FYB2: variants seen among roughly 807,000 people sequenced by gnomAD.
The protein encoded by FYB2 is FYN binding protein 2, also known as FYN-binding protein 2.
FYB2 carries 103 observed loss-of-function variants against 94.1 expected under a neutral mutation model. The ratio of observed to expected loss-of-function variants is 1.09; its 90% CI spans 0.93 to 1.29. The LOEUF (loss-of-function observed/expected upper bound fraction) is 1.29. FYB2 is among the 50% of genes most tolerant of loss of function. The pLI, the probability that FYB2 is intolerant of heterozygous loss-of-function variation, is 0.00. For missense variants in FYB2, 896 were observed against 841.5 expected, an observed-to-expected ratio of 1.06 and a Z score of -0.80; for synonymous variants, 293 against 287.9, an observed-to-expected ratio of 1.02 and a Z score of -0.18.
rs975539837 is a variant in FYB2 at position 56,736,962 on chromosome 1, A to G, written c.1793+125T>C. The G allele has an allele frequency of 1.2e-5, 9 of 756,604 alleles. No individual in the cohort carries two copies. In the African/African-American group the frequency reaches 1.7e-4, roughly 14 times the overall value. 46.9% of individuals were successfully genotyped at this position (756,604 alleles called of 1,614,324 possible). On this transcript the variant is annotated intron_variant, in intron 15 of 19. Transcript: ENST00000343433. Reference sequence around the variant, plus strand: ...GTTTTCCCCTCTTAGTGAGAAGACTATCTTAAGTTGACTTTTCATTCAATC... The same window carrying G: ...GTTTTCCCCTCTTAGTGAGAAGACTGTCTTAAGTTGACTTTTCATTCAATC...
chr1:56,783,833 A>C (rs369661807), intron 4 of FYB2, among the ~76,000 whole-genome samples: 34 of 152,318 alleles, frequency 2.2e-4, no homozygotes, highest in African/African-American at 8.2e-4. Context: ...GAAGAAAAAT[A>C]TAAGGCTCTC....
chr1:56,774,102 A>AT (rs1645821868), intron 4 of FYB2, among the ~76,000 whole-genome samples: 1 of 152,170 alleles, frequency 6.6e-6, no homozygotes, highest in African/African-American at 2.4e-5. Flanking sequence ...ATATATGATG[A>AT]ATTTGGAGTG....
chr1:56,774,972 GC>G (rs1475322278), intron 4 of FYB2, among the ~76,000 whole-genome samples: 3 of 152,038 alleles, frequency 2.0e-5, no homozygotes, highest in East Asian at 3.9e-4. Flanking sequence ...GGGCTCTCAG[GC>G]CTTCAGCCAC....
At position 56,784,555 on chromosome 1, in the gene FYB2, A is replaced by T. The variant is rs147353027; in HGVS notation, c.953+2620T>A. On this transcript the variant is annotated intron_variant, in intron 4 of 19. Coordinates refer to ENST00000343433, the MANE Select transcript of FYB2 (RefSeq NM_001004303.5). ...CAAACTCACTTATCATTGGCAAGAT[A>T]AAGTCTCAACTTTTTACCATGGCAC... Among the ~76,000 whole-genome samples the T allele has an allele frequency of 2.0e-3, 299 of 152,342 alleles. 2 individuals carry two copies. Among genetic ancestry groups the T allele is most frequent in the African/African-American group, 6.7e-3 (280 of 41,586 alleles).
intron 14 of FYB2, 136 bp from the exon 15 acceptor site, chr1:56,737,283 T>A (rs1644849570): frequency 1.8e-6 from 1 of 562,204 alleles, no homozygotes; most frequent in Non-Finnish European, 3.1e-6. Flanking sequence ...GATCATAAAA[T>A]ACAGATAGGC....
At chr1:56,806,976 T>C (rs1646661981) in intron 1 of FYB2, among the ~76,000 whole-genome samples, 1 of 152,092 alleles carries the variant, frequency 6.6e-6, no homozygotes, top group African/African-American at 2.4e-5. Context: ...ACATGCCAAG[T>C]CCTCCAACAA....
At chr1:56,726,096 A>C (rs1644578185) in intron 16 of FYB2, among the ~76,000 whole-genome samples, 1 of 152,096 alleles carries the variant, frequency 6.6e-6, no homozygotes, top group South Asian at 2.1e-4. Flanking sequence ...TAGGGAAATT[A>C]GTCTTACTAT....
intron 4 of FYB2, among the ~76,000 whole-genome samples, chr1:56,778,645 A>T (rs899191209): frequency 1.3e-5 from 2 of 152,190 alleles, no homozygotes. Flanking sequence ...CATAAAAAAT[A>T]AATCAATCAA....
At chr1:56,720,367 A>G (rs372177389) in intron 17 of FYB2, 38 bp from the exon 18 acceptor site, 76 of 1,531,440 alleles carry the variant, frequency 5.0e-5, no homozygotes, top group Non-Finnish European at 6.0e-5. Context: ...ATTCTTGCAT[A>G]GTTGTTATTT....
chr1:56,762,009 T>A (rs916313726), intron 5 of FYB2: 1 of 144,676 alleles, frequency 6.9e-6, no homozygotes. Context: ...TGCCTTTACA[T>A]CTTTGTTAAA....
intron 14 of FYB2, among the ~76,000 whole-genome samples, chr1:56,738,377 T>G (rs1002940116): frequency 1.3e-5 from 2 of 152,134 alleles, no homozygotes; most frequent in African/African-American, 4.8e-5. Flanking sequence ...GATGATAACA[T>G]TTATTTTTCT....
At chr1:56,787,050 C>T in intron 4 of FYB2, 125 bp downstream of exon 4, 1 of 1,034,224 alleles carries the variant, frequency 9.7e-7, no homozygotes, top group South Asian at 1.4e-5. Context: ...CTTATAAGTT[C>T]ACTGCTTCTG....
intron 9 of FYB2, among the ~76,000 whole-genome samples, chr1:56,745,903 G>A (rs1279830771): frequency 6.6e-6 from 1 of 151,700 alleles, no homozygotes; most frequent in Non-Finnish European, 1.5e-5. Context: ...CAACATATCT[G>A]GCCAACTTCT....
intron 1 of FYB2, among the ~76,000 whole-genome samples, chr1:56,800,903 T>C (rs1646504101): frequency 6.6e-6 from 1 of 152,098 alleles, no homozygotes. Context: ...TAAGCCCCCA[T>C]CCTGAGTGGT....
chr1:56,744,342 G>A (rs968183161), intron 9 of FYB2, 76 bp from the exon 10 acceptor site: 2 of 1,062,666 alleles, frequency 1.9e-6, no homozygotes, highest in Admixed American at 1.9e-5. Context: ...ATCACTGGCA[G>A]TGGAGGCAAG....
intron 1 of FYB2, among the ~76,000 whole-genome samples, chr1:56,802,892 T>C (rs1318330468): frequency 6.6e-6 from 1 of 152,174 alleles, no homozygotes; most frequent in African/African-American, 2.4e-5. Flanking sequence ...ATTCCAATAG[T>C]ACATTAACAT....
chr1:56,744,451 A>G (rs534797078), intron 9 of FYB2, among the ~76,000 whole-genome samples, 185 bp from the exon 10 acceptor site: 1 of 152,100 alleles, frequency 6.6e-6, no homozygotes, highest in East Asian at 1.9e-4. Flanking sequence ...CTCAGTTATG[A>G]TTCTCTGAAG....
intron 17 of FYB2, among the ~76,000 whole-genome samples, chr1:56,721,059 G>C (rs1446399965): frequency 2.6e-5 from 4 of 152,026 alleles, no homozygotes; most frequent in Non-Finnish European, 5.9e-5. Context: ...ACTGTATCCA[G>C]TTGGGGGCAA....
intron 1 of FYB2, among the ~76,000 whole-genome samples, chr1:56,797,625 T>G (rs1177344334): frequency 1.3e-5 from 2 of 152,158 alleles, no homozygotes; most frequent in Admixed American, 6.5e-5. Context: ...GGAGCAGCTG[T>G]GGCAGAGGTT....
Sources: allele counts gnomAD v4.1 joint callset (sites outside exome capture counted in the v4.1 genomes callset), GRCh38; gene constraint gnomAD v4.1.1; transcripts MANE v1.5; gene names NCBI Gene and HGNC (gene_info 2026-07-23, HGNC 2026-07-21).